MAPRE3: variants seen among roughly 807,000 people sequenced by gnomAD.
MAPRE3 encodes microtubule associated protein RP/EB family member 3, also known as microtubule-associated protein RP/EB family member 3.
MAPRE3 carries 2 observed loss-of-function variants against 30.5 expected under a neutral mutation model. That is an observed-to-expected ratio of 0.07 (90% CI 0.03 to 0.21). MAPRE3 has a LOEUF of 0.21. Ranked by LOEUF, MAPRE3 falls within the 10% of genes least tolerant of loss-of-function variation. MAPRE3 has a pLI of 1.00. For synonymous variants in MAPRE3, 110 were observed against 127.7 expected (o/e 0.86, Z 0.93); for missense variants, 204 against 351.8 (o/e 0.58, Z 3.36).
At chr2:26,999,245 G>A (rs1666532550) in intron 1 of MAPRE3, among the ~76,000 whole-genome samples, 1 of 152,164 alleles carries the variant, frequency 6.6e-6, no homozygotes, top group Admixed American at 6.5e-5. Context: ...GGTAACTAAA[G>A]CAGTGTTTTT....
Position 27,026,556 on chromosome 2 carries a change from A to C in MAPRE3, c.*208A>C. On this transcript the variant is annotated 3_prime_UTR_variant, in exon 7 of 7. Transcript: ENST00000233121. ...GGGTGGTGCTGGCCCAGTTGGTGGG[A>C]CCCCTGTCCACACCCACCCTATTTA... 5.9e-6 allele frequency: 3 copies of C among 505,276 alleles called. No individual in the cohort carries two copies. The highest frequency in any genetic ancestry group is 3.1e-5 in the South Asian group (1 of 32,264). The allele number at this position is 505,276 out of a possible 1,614,324, so 31.3% of individuals were successfully genotyped here.
Position 26,981,669 on chromosome 2 carries a change from T to C in MAPRE3, c.-8+10867T>C, listed in dbSNP as rs77616358. Among the ~76,000 whole-genome samples, 676 of 152,196 alleles carry C rather than the reference T, an allele frequency of 4.4e-3. 3 individuals are homozygous for C. The highest frequency in any genetic ancestry group is 0.016 in the African/African-American group (644 of 41,526). Reference sequence around the variant, plus strand: ...ATTGCTGAGATGGATGAAGGAGAAATGAAGATGGAGCTGGATCATGGAGCC... The same window carrying C: ...ATTGCTGAGATGGATGAAGGAGAAACGAAGATGGAGCTGGATCATGGAGCC... On this transcript the variant is annotated intron_variant, in intron 1 of 6. Transcript: ENST00000233121.
intron 1 of MAPRE3, 136 bp from the exon 2 acceptor site, chr2:27,022,076 C>A: frequency 1.1e-6 from 1 of 936,756 alleles, no homozygotes; most frequent in Non-Finnish European, 1.6e-6. Context: ...AAAGACCCTC[C>A]CTCTGGGGAT....
At position 27,026,573 on chromosome 2, in the gene MAPRE3, C is replaced by T. The variant is rs12328; in HGVS notation, c.*225C>T. On this transcript the variant is annotated 3_prime_UTR_variant, in exon 7 of 7. Coordinates refer to ENST00000233121, the MANE Select transcript of MAPRE3 (RefSeq NM_012326.4). ...TTGGTGGGACCCCTGTCCACACCCA[C>T]CCTATTTATTTCCGTTGTCTCTCTG... is the stretch of plus-strand genomic sequence containing the variant. 2,299 of 484,204 alleles carry T rather than the reference C, an allele frequency of 4.7e-3. 14 individuals carry two copies. Among genetic ancestry groups the T allele is most frequent in the Non-Finnish European group, 6.1e-3 (1,680 of 275,978 alleles). The allele number at this position is 484,204 out of a possible 1,614,324, so 30.0% of individuals were successfully genotyped here.
chr2:27,000,165 G>A (rs1403319061), intron 1 of MAPRE3, among the ~76,000 whole-genome samples: 1 of 152,194 alleles, frequency 6.6e-6, no homozygotes. Context: ...ACGGGTTTGT[G>A]TTACTATTAT....
At chr2:26,991,252 C>T (rs533071902) in intron 1 of MAPRE3, among the ~76,000 whole-genome samples, 1 of 151,700 alleles carries the variant, frequency 6.6e-6, no homozygotes. Flanking sequence ...AGACTCCATC[C>T]CAAAAAAAAA....
intron 1 of MAPRE3, among the ~76,000 whole-genome samples, chr2:26,980,627 C>T (rs369446010): frequency 6.6e-6 from 1 of 152,176 alleles, no homozygotes; most frequent in African/African-American, 2.4e-5. Context: ...TTGAACATTA[C>T]TGTACAAGTG....
chr2:26,973,605 A>G (rs1459810322), intron 1 of MAPRE3, among the ~76,000 whole-genome samples: 3 of 143,472 alleles, frequency 2.1e-5, no homozygotes, highest in Non-Finnish European at 4.5e-5. Flanking sequence ...CGGACTGCGG[A>G]CTGCAGTGGC....
intron 1 of MAPRE3, among the ~76,000 whole-genome samples, chr2:27,011,117 C>T (rs1206072965): frequency 1.3e-5 from 2 of 152,198 alleles, no homozygotes; most frequent in African/African-American, 2.4e-5. Context: ...CTATTTTCAT[C>T]GCGTCCCTAA....
chr2:27,024,057 C>T (rs1667177027), intron 3 of MAPRE3, 39 bp from the exon 4 acceptor site: 5 of 1,523,268 alleles, frequency 3.3e-6, no homozygotes, highest in Admixed American at 3.4e-5. Flanking sequence ...CCTACAGCAG[C>T]AGGTGGCTAA....
At chr2:26,980,024 G>A (rs576404405) in intron 1 of MAPRE3, among the ~76,000 whole-genome samples, 1 of 152,290 alleles carries the variant, frequency 6.6e-6, no homozygotes, top group East Asian at 1.9e-4. Context: ...TCTCTCCAGA[G>A]GTCTTGCATG....
intron 1 of MAPRE3, chr2:27,014,170 C>T (rs1666929135): frequency 6.6e-6 from 1 of 152,158 alleles, no homozygotes; most frequent in African/African-American, 2.4e-5. Flanking sequence ...TATCTGCCCA[C>T]CTAGATGAAC....
intron 3 of MAPRE3, 141 bp from the exon 4 acceptor site, chr2:27,023,955 C>T (rs1281479169): frequency 2.3e-5 from 15 of 641,360 alleles, no homozygotes; most frequent in East Asian, 2.2e-4. Context: ...GCTCTGGTGC[C>T]GTGGGAGGGG....
rs1025483048 is a variant in MAPRE3, at chr2:26,992,862, G to A, written c.-8+22060G>A. Reference sequence around the variant, plus strand: ...TTGAAACCCTTCTGTTTCCTACATGGAGTGTTGATTCTGTATAATGTGTTG... The same window carrying A: ...TTGAAACCCTTCTGTTTCCTACATGAAGTGTTGATTCTGTATAATGTGTTG... On this transcript the variant is annotated intron_variant, in intron 1 of 6. Transcript: ENST00000233121. Among the ~76,000 whole-genome samples the A allele has an allele frequency of 3.9e-5, 6 of 152,288 alleles. No homozygotes were observed. In the East Asian group the frequency reaches 5.8e-4, roughly 15 times the overall value.
chr2:27,011,191 AT>A (rs1402199521), intron 1 of MAPRE3, among the ~76,000 whole-genome samples: 1 of 152,010 alleles, frequency 6.6e-6, no homozygotes, highest in Non-Finnish European at 1.5e-5. Flanking sequence ...AATAATAAAT[AT>A]GTTTCCCATG....
At chr2:26,995,823 GTGTGTGTA>G (rs1396827624) in intron 1 of MAPRE3, among the ~76,000 whole-genome samples, 4 of 150,290 alleles carry the variant, frequency 2.7e-5, no homozygotes, top group African/African-American at 4.9e-5. Flanking sequence ...GTGTGTGTGT[GTGTGTGTA>G]TGTGTGTGTG....
intron 1 of MAPRE3, among the ~76,000 whole-genome samples, chr2:26,975,237 G>A (rs183026165): frequency 6.6e-6 from 1 of 152,252 alleles, no homozygotes; most frequent in East Asian, 1.9e-4. Flanking sequence ...TGCTTGTGAG[G>A]GACACACATG....
chr2:26,992,190 A>C (rs1666357311), intron 1 of MAPRE3, among the ~76,000 whole-genome samples: 2 of 152,112 alleles, frequency 1.3e-5, no homozygotes, highest in Admixed American at 6.6e-5. Context: ...TTTTAGGAGA[A>C]GCGTAGTACT....
At chr2:26,991,288 C>T (rs1666337808) in intron 1 of MAPRE3, among the ~76,000 whole-genome samples, 1 of 152,062 alleles carries the variant, frequency 6.6e-6, no homozygotes, top group Admixed American at 6.6e-5. Context: ...TGTAGGGAAG[C>T]TTAGTCAATC....
Sources: gnomAD v4.1 joint callset for allele counts (sites outside exome capture counted in the v4.1 genomes callset) on GRCh38, gnomAD v4.1.1 for gene constraint, MANE v1.5 for transcripts, NCBI Gene and HGNC (gene_info 2026-07-23, HGNC 2026-07-21) for gene names.